Variants in TRRAP observed in about 807,000 individuals in gnomAD.
The protein encoded by TRRAP is transformation/transcription domain-associated protein.
TRRAP carries 41 observed loss-of-function variants against 438.8 expected under a neutral mutation model. That is an observed-to-expected ratio of 0.09 (90% CI 0.07 to 0.12). The LOEUF is 0.12. Among genes scored for constraint, TRRAP ranks in the 10% least tolerant of loss-of-function variants. The pLI is 1.00. For missense variants in TRRAP, 3,122 were observed against 5,055.1 expected (o/e 0.62, Z 11.60); for synonymous variants, 1,994 against 1,962.9 (o/e 1.02, Z -0.42).
intron 4 of TRRAP, among the ~76,000 whole-genome samples, chr7:98,891,923 A>G (rs1442015135): frequency 6.6e-6 from 1 of 152,238 alleles, no homozygotes; most frequent in African/African-American, 2.4e-5. Context: ...ATATCATGCC[A>G]GTGTGAGACC....
At chr7:98,935,553 A>G in intron 27 of TRRAP, 26 bp from the exon 28 acceptor site, 2 of 1,584,118 alleles carry the variant, frequency 1.3e-6, no homozygotes, top group Non-Finnish European at 1.7e-6. Context: ...AGAGTGGGCT[A>G]AATGAAATTG....
rs78905385 is a variant in TRRAP, at chr7:98,900,774, A to G, written c.897+54A>G. 5.7e-4 allele frequency: 857 copies of G among 1,499,484 alleles called. 6 individuals are homozygous for G. The African/African-American group carries it at 0.011, about 19-fold the overall frequency. 92.9% of individuals were successfully genotyped at this position (1,499,484 alleles called of 1,614,324 possible). A position where few individuals can be genotyped will look rare whatever the true frequency, so the allele number is the denominator to read the frequency against. The stretch of plus-strand genomic sequence containing the variant: ...TATTGAGATAGTTTACATACAATAA[A>G]ATTCACCTTTTGTGGGTGTACAGTT... On this transcript the variant is annotated intron_variant, in intron 11 of 72. Coordinates refer to ENST00000456197, the MANE Select transcript of TRRAP (RefSeq NM_001375524.1).
At chr7:98,922,684 T>C (rs1280285426) in intron 21 of TRRAP, among the ~76,000 whole-genome samples, 4 of 152,164 alleles carry the variant, frequency 2.6e-5, no homozygotes, top group African/African-American at 9.7e-5. Context: ...TTTAAGGATA[T>C]TATCGTAATG....
In TRRAP at chr7:98,900,672, T is replaced by C; in HGVS notation, c.849T>C (p.Ala283=). 1 of 1,613,750 alleles carries C rather than the reference T, an allele frequency of 6.2e-7. No individual in the cohort carries two copies. Among genetic ancestry groups the C allele is most frequent in the Non-Finnish European group, 8.5e-7 (1 of 1,179,978 alleles). Residue 283 remains alanine, a synonymous_variant, in exon 11 of 73, where the codon GCT becomes GCC. Transcript: ENST00000456197. ...AGTTGTATGCTGACTTCATTGCTGCTCAGATTAAAACATTGTCATTTTTAG... is the reference window on the plus strand; with the variant it reads ...AGTTGTATGCTGACTTCATTGCTGCCCAGATTAAAACATTGTCATTTTTAG... ...NKELYADFIA[A]QIKTLSFLAY...
chr7:99,003,294 T>C (rs1794016713), intron 67 of TRRAP, among the ~76,000 whole-genome samples: 1 of 152,244 alleles, frequency 6.6e-6, no homozygotes, highest in Admixed American at 6.5e-5. Flanking sequence ...ATTGCTTCAG[T>C]GAAAAATGTT....
chr7:98,945,031 C>G (rs1790985189), intron 31 of TRRAP, among the ~76,000 whole-genome samples: 1 of 152,162 alleles, frequency 6.6e-6, no homozygotes. Flanking sequence ...TCTTGAACTC[C>G]TGACCTCAGG....
At chr7:99,007,263 G>A (rs957647394) in intron 69 of TRRAP, among the ~76,000 whole-genome samples, 1 of 152,242 alleles carries the variant, frequency 6.6e-6, no homozygotes, top group Non-Finnish European at 1.5e-5. Context: ...GACAGCAGCT[G>A]TCTCAGAGCA....
At chr7:98,966,555 C>T (rs1792168518) in intron 49 of TRRAP, among the ~76,000 whole-genome samples, 1 of 152,026 alleles carries the variant, frequency 6.6e-6, no homozygotes, top group Admixed American at 6.6e-5. Flanking sequence ...TATGGTGGCG[C>T]ATGCCTGTAA....
chr7:98,912,060 T>A lies in TRRAP; in HGVS notation c.2046T>A (p.Ser682=), dbSNP rs782064077. ...CCTTCTTGGCAAATCCTACTACCTC[T>A]GCTCTGTTTGCTACGATTCTGGTGG... ...ANSFLANPTT[S]ALFATILVEY... Residue 682 remains serine (S), a synonymous_variant, in exon 18 of 73, where the codon TCT becomes TCA. Transcript: ENST00000456197. The A allele has an allele frequency of 1.1e-5, 18 of 1,614,194 alleles. No homozygotes were observed. Among genetic ancestry groups the A allele is most frequent in the Non-Finnish European group, 1.5e-5 (18 of 1,180,022 alleles).
At chr7:98,901,809 A>G (rs566233697) in intron 11 of TRRAP, among the ~76,000 whole-genome samples, 2 of 152,336 alleles carry the variant, frequency 1.3e-5, no homozygotes, top group East Asian at 1.9e-4. Flanking sequence ...TCAGCCTCCC[A>G]TGGTGCTGGG....
intron 67 of TRRAP, among the ~76,000 whole-genome samples, chr7:99,002,335 C>T (rs1793967890): frequency 6.6e-6 from 1 of 152,228 alleles, no homozygotes; most frequent in Admixed American, 6.5e-5. Context: ...GCTCTTTGGA[C>T]TGTGCCAATG....
At position 99,011,367 on chromosome 7, in the gene TRRAP, C is replaced by T. The variant is rs1794418303; in HGVS notation, c.11169C>T (p.Tyr3723=). The T allele has an allele frequency of 5.6e-6, 9 of 1,614,182 alleles. No homozygotes were observed. Among genetic ancestry groups the T allele is most frequent in the Non-Finnish European group, 6.8e-6 (8 of 1,179,998 alleles). The change falls in exon 72 of 73, where the codon TAC becomes TAT. Residue 3723 remains tyrosine (Y), a synonymous_variant. Coordinates refer to ENST00000456197, the MANE Select transcript of TRRAP (RefSeq NM_001375524.1). The surrounding 1 kb of genome is among the most constrained non-coding windows in gnomAD (Gnocchi z 7.1). ...ACACTGGCAAACTGAATGTTGCCTACTTTCGATTTGACATAAACGACGCGA... is the reference window on the plus strand; with the variant it reads ...ACACTGGCAAACTGAATGTTGCCTATTTTCGATTTGACATAAACGACGCGA... ...AQDTGKLNVA[Y]FRFDINDATG... is the part of the protein sequence containing the mutation.
rs1409158337 is a variant in TRRAP at position 98,923,405 on chromosome 7, C to T, written c.2823+1452C>T. On this transcript the variant is annotated intron_variant, in intron 21 of 72. Transcript: ENST00000456197. ...GACGCCATCCTGCCGGCACTGGCTG[C>T]AGCACACCTGGTATAGCTCATAGCT... 2.6e-5 allele frequency among the ~76,000 whole-genome samples: 4 copies of T among 152,204 alleles called. No individual in the cohort carries two copies. In the East Asian group the frequency reaches 7.7e-4, roughly 29 times the overall value.
At position 99,005,012 on chromosome 7, in the gene TRRAP, G is replaced by A. The variant is rs920160815; in HGVS notation, c.10536-119G>A. ...GCAGGGTACAAATAAATTGATAAACGACCGCTGGCCTACACAGTCCGTTTT... is the reference window on the plus strand; with the variant it reads ...GCAGGGTACAAATAAATTGATAAACAACCGCTGGCCTACACAGTCCGTTTT... On this transcript the variant is annotated intron_variant, in intron 68 of 72. Coordinates refer to ENST00000456197, the MANE Select transcript of TRRAP (RefSeq NM_001375524.1). The surrounding 1 kb of genome is among the most constrained non-coding windows in gnomAD (Gnocchi z 5.1). The A allele has an allele frequency of 5.3e-6, 5 of 944,860 alleles. No homozygotes were observed. The highest frequency in any genetic ancestry group is 2.0e-5 in the Admixed American group (1 of 49,182). The allele number at this position is 944,860 out of a possible 1,614,324, so 58.5% of individuals were successfully genotyped here. A position where few individuals can be genotyped will look rare whatever the true frequency, so the allele number is the denominator to read the frequency against.
chr7:99,012,142 G>T lies in TRRAP; in HGVS notation c.11409G>T (p.Thr3803=), dbSNP rs141285775. 1 of 1,614,082 alleles carries T rather than the reference G, an allele frequency of 6.2e-7. No individual in the cohort carries two copies. The highest frequency in any genetic ancestry group is 8.5e-7 in the Non-Finnish European group (1 of 1,180,048). Residue 3803 remains threonine, a synonymous_variant, in exon 73 of 73, where the codon ACG becomes ACT. Coordinates refer to ENST00000456197, the MANE Select transcript of TRRAP (RefSeq NM_001375524.1). This position sits in a 1 kb window ranked among gnomAD's most constrained non-coding sequence, Gnocchi z 5.9. The stretch of plus-strand genomic sequence containing the variant: ...GGCACAAAAAAACACAAGAGGACAC[G>T]TCCTCTCCTCTCTCGGCCGCCGGGC... ...IAWHKKTQED[T]SSPLSAAGQP...
chr7:98,976,157 G>T lies in TRRAP; in HGVS notation c.7848G>T (p.Ala2616=). 1.9e-6 allele frequency: 3 copies of T among 1,613,888 alleles called. No individual in the cohort carries two copies. In the South Asian group the frequency reaches 3.3e-5, roughly 18 times the overall value. Reference sequence around the variant, plus strand: ...TGTCTTTCTGTTCATAGACTGGAGCGCTGCTCAGCGCTTTCGTTCAGCTGT... The same window carrying T: ...TGTCTTTCTGTTCATAGACTGGAGCTCTGCTCAGCGCTTTCGTTCAGCTGT... ...LDTLREVKTG[A]LLSAFVQLCH... The change falls in exon 54 of 73, where the codon GCG becomes GCT. Residue 2616 remains alanine, a synonymous_variant. Coordinates refer to ENST00000456197, the MANE Select transcript of TRRAP (RefSeq NM_001375524.1). This position sits in a 1 kb window ranked among gnomAD's most constrained non-coding sequence, Gnocchi z 4.6.
intron 56 of TRRAP, among the ~76,000 whole-genome samples, chr7:98,977,310 C>T (rs1286208659): frequency 2.0e-5 from 3 of 152,060 alleles, no homozygotes; most frequent in Admixed American, 6.6e-5. Context: ...TACAGGCGCC[C>T]ACCACCATGC....
rs781819984 is a variant in TRRAP, at chr7:98,893,787, C to CT, written c.367-3dup. The CT allele has an allele frequency of 3.7e-6, 6 of 1,607,182 alleles. No homozygotes were observed. Among genetic ancestry groups the CT allele is most frequent in the African/African-American group, 1.3e-5 (1 of 74,692 alleles). ...TCAGAAGTATAACTTTCATTAAATG[C>CT]TTTTTTTTAGACGGAAAATGAAGAA... On this transcript the variant is annotated splice_polypyrimidine_tract_variant and intron_variant, in intron 5 of 72. Coordinates refer to ENST00000456197, the MANE Select transcript of TRRAP (RefSeq NM_001375524.1).
At chr7:98,953,091 T>C (rs1242543096) in intron 39 of TRRAP, 76 bp from the exon 40 acceptor site, 7 of 1,485,146 alleles carry the variant, frequency 4.7e-6, no homozygotes, top group South Asian at 2.4e-5. Context: ...TTTTAAGGCT[T>C]AAACCTGTCG....
Sources: allele counts gnomAD v4.1 joint callset (sites outside exome capture counted in the v4.1 genomes callset), GRCh38; gene constraint gnomAD v4.1.1; non-coding constraint Gnocchi (gnomAD v3.1); transcripts MANE v1.5; gene names NCBI Gene and HGNC (gene_info 2026-07-23, HGNC 2026-07-21).